The following GALNT11 variants were observed in gnomAD, a reference collection of about 807,000 sequenced individuals.
GALNT11 encodes the protein polypeptide N-acetylgalactosaminyltransferase 11, also known as UDP-GalNAc:polypeptide N-acetylgalactosaminyltransferase 11.
In GALNT11, 47 loss-of-function variants were observed where a neutral mutation model predicts 72.7. The observed-to-expected ratio is 0.65, with a 90% CI of 0.51 to 0.82. The LOEUF (loss-of-function observed/expected upper bound fraction) is 0.82. GALNT11 is among the 40% of genes least tolerant of loss of function. The pLI, the probability that GALNT11 is intolerant of heterozygous loss-of-function variation, is 0.00. For synonymous variants in GALNT11, 270 were observed against 286.6 expected, an observed-to-expected ratio of 0.94 and a Z score of 0.58; for missense variants, 677 against 778.4, an observed-to-expected ratio of 0.87 and a Z score of 1.55.
intron 1 of GALNT11, among the ~76,000 whole-genome samples, chr7:152,080,666 A>T (rs2085265616): frequency 6.6e-6 from 1 of 151,096 alleles, no homozygotes; most frequent in African/African-American, 2.4e-5. Flanking sequence ...AAAGCTATTA[A>T]AACATTAATT....
chr7:152,089,024 A>G (rs984669741), intron 1 of GALNT11, among the ~76,000 whole-genome samples: 4 of 152,196 alleles, frequency 2.6e-5, no homozygotes, highest in African/African-American at 7.2e-5. Flanking sequence ...ATTGCAGTCA[A>G]GAAAGAACTT....
At chr7:152,115,628 A>G (rs2088763134) in intron 8 of GALNT11, among the ~76,000 whole-genome samples, 1 of 152,214 alleles carries the variant, frequency 6.6e-6, no homozygotes, top group South Asian at 2.1e-4. Flanking sequence ...ATTTGGGTAA[A>G]ACGAACTAAA....
At position 152,060,611 on chromosome 7, in the gene GALNT11, G is replaced by T. The variant is rs376967111; in HGVS notation, c.-38-33579G>T. ...ATTTACATTAGGTATATCTCCTAAT[G>T]CTATCCCTCCCCCCCCTCCACCCCA... On this transcript the variant is annotated intron_variant, in intron 1 of 11. Transcript: ENST00000430044. 2.3e-3 allele frequency among the ~76,000 whole-genome samples: 349 copies of T among 151,938 alleles called. 1 individual carries two copies. Among genetic ancestry groups the T allele is most frequent in the African/African-American group, 8.1e-3 (336 of 41,388 alleles).
chr7:152,120,971 G>T lies in GALNT11; in HGVS notation c.1695+3G>T. 1 of 1,612,710 alleles carries T rather than the reference G, an allele frequency of 6.2e-7. No individual in the cohort carries two copies. ...GATCCCAGCAGTGGACCTTTGGGGT[G>T]AGGAGTGCTCGGTGATGTTGGGAGA... is the stretch of plus-strand genomic sequence containing the variant. On this transcript the variant is annotated splice_donor_region_variant and intron_variant, in intron 11 of 11. Transcript: ENST00000430044.
chr7:152,039,685 C>G (rs2082759062), intron 1 of GALNT11, among the ~76,000 whole-genome samples: 2 of 152,150 alleles, frequency 1.3e-5, no homozygotes, highest in Non-Finnish European at 2.9e-5. Flanking sequence ...CTCCTGGAAT[C>G]TTTTCCCCAG....
At chr7:152,034,140 TG>T (rs2151989566) in intron 1 of GALNT11, among the ~76,000 whole-genome samples, 2 of 152,310 alleles carry the variant, frequency 1.3e-5, no homozygotes, top group South Asian at 4.1e-4. Flanking sequence ...CAGGGGTTTT[TG>T]TGGTTCTTTG....
chr7:152,106,301 C>A lies in GALNT11; in HGVS notation c.712+931C>A, dbSNP rs889556213. Among the ~76,000 whole-genome samples, 7 of 152,332 alleles carry A rather than the reference C, an allele frequency of 4.6e-5. No homozygotes were observed. In the South Asian group the frequency reaches 1.4e-3, roughly 32 times the overall value. On this transcript the variant is annotated intron_variant, in intron 5 of 11. Coordinates refer to ENST00000430044, the MANE Select transcript of GALNT11 (RefSeq NM_022087.4). ...TATATTCCACGCTCTCCTAGATAACCTGCCTCTGGGTTTGTGGTGGTCGGC... is the reference window on the plus strand; with the variant it reads ...TATATTCCACGCTCTCCTAGATAACATGCCTCTGGGTTTGTGGTGGTCGGC...
At chr7:152,061,377 C>T (rs1475086078) in intron 1 of GALNT11, among the ~76,000 whole-genome samples, 1 of 152,058 alleles carries the variant, frequency 6.6e-6, no homozygotes, top group Non-Finnish European at 1.5e-5. Context: ...GATATTAGCC[C>T]TTTGTCAGAT....
At chr7:152,028,161 A>C (rs1056696772) in intron 1 of GALNT11, among the ~76,000 whole-genome samples, 1 of 152,172 alleles carries the variant, frequency 6.6e-6, no homozygotes, top group Non-Finnish European at 1.5e-5. Flanking sequence ...ATGGAAGGGG[A>C]CCCGAGCAGG....
At chr7:152,040,319 T>A (rs943294044) in intron 1 of GALNT11, among the ~76,000 whole-genome samples, 3 of 152,102 alleles carry the variant, frequency 2.0e-5, no homozygotes, top group African/African-American at 7.2e-5. Context: ...TGACATCCAT[T>A]TGCCAAAGAG....
At chr7:152,048,743 G>A (rs1036238510) in intron 1 of GALNT11, among the ~76,000 whole-genome samples, 4 of 151,740 alleles carry the variant, frequency 2.6e-5, no homozygotes, top group Non-Finnish European at 5.9e-5. Flanking sequence ...TGTTAGCCAG[G>A]AAGGGGCAAC....
intron 1 of GALNT11, among the ~76,000 whole-genome samples, chr7:152,046,439 T>C (rs1209100823): frequency 6.6e-6 from 1 of 152,214 alleles, no homozygotes; most frequent in African/African-American, 2.4e-5. Context: ...TCTATCTCTC[T>C]CTTTAGCTCT....
Position 152,108,023 on chromosome 7 carries a change from T to C in GALNT11, c.713-15T>C, listed in dbSNP as rs1237347014. On this transcript the variant is annotated splice_polypyrimidine_tract_variant and intron_variant, in intron 5 of 11. Coordinates refer to ENST00000430044, the MANE Select transcript of GALNT11 (RefSeq NM_022087.4). ...GTTGTGACACTCTCCTGAGCCTCTG[T>C]TGTTTCCTCCCCAGGAGAAGTCCTT... The C allele has an allele frequency of 6.3e-7, 1 of 1,599,032 alleles. No homozygotes were observed. Among genetic ancestry groups the C allele is most frequent in the South Asian group, 1.1e-5 (1 of 90,222 alleles).
At chr7:152,080,220 T>C (rs2085239225) in intron 1 of GALNT11, among the ~76,000 whole-genome samples, 2 of 152,248 alleles carry the variant, frequency 1.3e-5, no homozygotes, top group Admixed American at 6.5e-5. Context: ...TTCGGTGTGC[T>C]TAAACCTGCT....
chr7:152,064,133 C>A (rs1298514465), intron 1 of GALNT11, among the ~76,000 whole-genome samples: 1 of 152,160 alleles, frequency 6.6e-6, no homozygotes, highest in African/African-American at 2.4e-5. Flanking sequence ...CTTTATGAAT[C>A]TGGGTGCTCC....
intron 8 of GALNT11, among the ~76,000 whole-genome samples, chr7:152,115,300 T>C (rs1339089557): frequency 6.6e-6 from 1 of 152,188 alleles, no homozygotes; most frequent in Non-Finnish European, 1.5e-5. Context: ...TGCCTTAGCA[T>C]AAATCGAGGC....
intron 9 of GALNT11, 127 bp from the exon 10 acceptor site, chr7:152,118,551 T>C (rs2089111797): frequency 2.7e-6 from 2 of 733,982 alleles, no homozygotes; most frequent in South Asian, 1.8e-5. Flanking sequence ...AAAATGCATA[T>C]ATTTTTATGA....
intron 2 of GALNT11, among the ~76,000 whole-genome samples, chr7:152,096,107 T>G (rs1362171767): frequency 1.3e-5 from 2 of 152,162 alleles, no homozygotes; most frequent in African/African-American, 4.8e-5. Flanking sequence ...AAAACATTGC[T>G]GAAAGAAATC....
chr7:152,087,044 CAAAT>C (rs2085693110), intron 1 of GALNT11, among the ~76,000 whole-genome samples: 1 of 152,108 alleles, frequency 6.6e-6, no homozygotes, highest in Non-Finnish European at 1.5e-5. Flanking sequence ...CATTTATTAA[CAAAT>C]ATTTATTAAA....
Sources: allele counts gnomAD v4.1 joint callset (sites outside exome capture counted in the v4.1 genomes callset), GRCh38; gene constraint gnomAD v4.1.1; transcripts MANE v1.5; gene names NCBI Gene and HGNC (gene_info 2026-07-23, HGNC 2026-07-21).